The following LITAF variants were observed in gnomAD, a reference collection of about 807,000 sequenced individuals.
The protein encoded by LITAF is lipopolysaccharide induced TNF factor.
LITAF carries 9 observed loss-of-function variants against 14.5 expected under a neutral mutation model. That is an observed-to-expected ratio of 0.62 (90% CI 0.37 to 1.08). The LOEUF (loss-of-function observed/expected upper bound fraction) is 1.08, where lower values mean the gene tolerates loss of function less well. Among genes scored for constraint, LITAF ranks in the 50% least tolerant of loss-of-function variants. LITAF has a pLI of 0.01. For synonymous variants in LITAF, 98 were observed against 88.2 expected (o/e 1.11, Z -0.62); for missense variants, 206 against 213.4 (o/e 0.97, Z 0.22).
intron 1 of LITAF, among the ~76,000 whole-genome samples, chr16:11,565,956 C>T (rs74007797): frequency 0.029 from 4,451 of 151,960 alleles, 244 homozygotes; most frequent in African/African-American, 0.1. Flanking sequence ...TTCCTCCAGG[C>T]GCCCCATGCC....
chr16:11,568,627 G>A (rs1214660998), intron 1 of LITAF, among the ~76,000 whole-genome samples: 1 of 151,584 alleles, frequency 6.6e-6, no homozygotes, highest in Non-Finnish European at 1.5e-5. Flanking sequence ...TACCGTGTAA[G>A]TGCTCCACCT....
intron 3 of LITAF, among the ~76,000 whole-genome samples, chr16:11,606,401 G>A (rs992423632): frequency 5.3e-5 from 8 of 151,644 alleles, no homozygotes; most frequent in Non-Finnish European, 7.4e-5. Flanking sequence ...ACTCCTGATC[G>A]CAACTGATCC....
At chr16:11,584,390 A>G (rs541882221) in intron 1 of LITAF, 10 of 152,322 alleles carry the variant, frequency 6.6e-5, no homozygotes, top group African/African-American at 2.4e-4. Context: ...TCAAAGTGCT[A>G]TTATACACCT....
At chr16:11,603,407 A>G (rs1460414000), upstream of LITAF, among the ~76,000 whole-genome samples, 1 of 152,126 alleles carries the variant, frequency 6.6e-6, no homozygotes, top group African/African-American at 2.4e-5. Flanking sequence ...CTGCCTCCCG[A>G]GGGGTTTCAA....
In LITAF at chr16:11,627,530, TGACTAATGTATTA is replaced by T. The variant is rs1367949605; in HGVS notation, c.85+5990_85+6002del. On this transcript the variant is annotated intron_variant, in intron 3 of 3. Transcript: ENST00000574848. ...TTTTGCAGCATTCTGCTATTCATCC[TGACTAATGTATTA>T]GACTTAAAAAAATACAAGGCCTGGG... 4.6e-5 allele frequency among the ~76,000 whole-genome samples: 7 copies of T among 152,348 alleles called. No homozygotes were observed. In the East Asian group the frequency reaches 1.3e-3, roughly 29 times the overall value.
intron 3 of LITAF, chr16:11,551,931 T>C (rs1366098752): frequency 2.2e-6 from 1 of 447,826 alleles, no homozygotes; most frequent in Non-Finnish European, 4.0e-6. Context: ...TTTTTTTTTT[T>C]TTAAGCATTT....
At chr16:11,609,705 G>A (rs972014659) in intron 3 of LITAF, among the ~76,000 whole-genome samples, 10 of 152,136 alleles carry the variant, frequency 6.6e-5, no homozygotes, top group African/African-American at 9.7e-5. Context: ...CATCTGCTAC[G>A]GTTGAGAGAT....
upstream of LITAF, among the ~76,000 whole-genome samples, chr16:11,600,920 TAC>T (rs1360754674): frequency 6.6e-6 from 1 of 152,074 alleles, no homozygotes; most frequent in Non-Finnish European, 1.5e-5. This position sits in a 1 kb window ranked among gnomAD's most constrained non-coding sequence, Gnocchi z 4.1. Context: ...CAAACATGGA[TAC>T]AAGCTATAAT....
intron 1 of LITAF, among the ~76,000 whole-genome samples, chr16:11,580,561 A>T (rs536199936): frequency 3.3e-5 from 5 of 151,480 alleles, no homozygotes; most frequent in African/African-American, 1.2e-4. Context: ...TGGCTGGAAG[A>T]TCTTAACTTA....
At chr16:11,635,201 A>G (rs1021751273) in intron 2 of LITAF, among the ~76,000 whole-genome samples, 1 of 152,228 alleles carries the variant, frequency 6.6e-6, no homozygotes, top group Non-Finnish European at 1.5e-5. Flanking sequence ...AAAAGAATCT[A>G]TTAGGTGGTT....
At chr16:11,587,289 C>T (rs1221683492), upstream of LITAF, 1 of 432,668 alleles carries the variant, frequency 2.3e-6, no homozygotes, top group Non-Finnish European at 4.6e-6. Flanking sequence ...TCCCCACTTT[C>T]CCCCCTCCCC....
At chr16:11,565,086 C>CT (rs35652163) in intron 1 of LITAF, among the ~76,000 whole-genome samples, 41 of 137,904 alleles carry the variant, frequency 3.0e-4, no homozygotes, top group Admixed American at 5.9e-4. Context: ...ACTGAATTAT[C>CT]TTTTTTTTTT....
intron 3 of LITAF, among the ~76,000 whole-genome samples, chr16:11,620,480 A>G (rs1278215013): frequency 6.6e-6 from 1 of 152,110 alleles, no homozygotes; most frequent in Non-Finnish European, 1.5e-5. Flanking sequence ...TGCCAGCACC[A>G]TACTTCCTGT....
intron 3 of LITAF, among the ~76,000 whole-genome samples, chr16:11,551,453 C>A (rs995160436): frequency 1.3e-5 from 2 of 152,156 alleles, no homozygotes; most frequent in Non-Finnish European, 1.5e-5. Context: ...AGGATTTGAA[C>A]CCACTCTACC....
intron 3 of LITAF, among the ~76,000 whole-genome samples, chr16:11,617,897 G>A (rs186144325): frequency 8.8e-4 from 133 of 151,776 alleles, no homozygotes; most frequent in Non-Finnish European, 1.4e-3. Flanking sequence ...TTGAGACAGG[G>A]TCTCACTCTG....
At chr16:11,638,253 C>T (rs1020450749), upstream of LITAF, among the ~76,000 whole-genome samples, 20 of 151,442 alleles carry the variant, frequency 1.3e-4, no homozygotes, top group East Asian at 1.5e-3. Flanking sequence ...GTCCACTTCC[C>T]CATAGGTTTG....
intron 1 of LITAF, among the ~76,000 whole-genome samples, chr16:11,593,387 G>C (rs1467210058): frequency 6.9e-6 from 1 of 144,442 alleles, no homozygotes; most frequent in African/African-American, 2.5e-5. Flanking sequence ...AAAGTTAATG[G>C]AAAATAAATA....
chr16:11,579,671 T>A (rs2064703598), intron 1 of LITAF, among the ~76,000 whole-genome samples: 1 of 152,164 alleles, frequency 6.6e-6, no homozygotes, highest in Admixed American at 6.6e-5. Flanking sequence ...TTGACAAACA[T>A]ACTGTGTGAT....
In LITAF at chr16:11,549,119, AAAGCC is replaced by A. The variant is rs1334637926; in HGVS notation, c.*513_*517del. On this transcript the variant is annotated 3_prime_UTR_variant, in exon 4 of 4. Transcript: ENST00000622633. The surrounding 1 kb of genome is among the most constrained non-coding windows in gnomAD (Gnocchi z 4.6). ...ATGAAGTCTGCAGTTACAGAATCTC[AAAGCC>A]AAGCCTGTAAAGTCTGTAAGGCAAG... The A allele has an allele frequency of 7.5e-5, 34 of 454,150 alleles. 1 individual carries two copies. Among genetic ancestry groups the A allele is most frequent in the Non-Finnish European group, 4.4e-5 (10 of 226,804 alleles). The allele number at this position is 454,150 out of a possible 1,614,324, so 28.1% of individuals were successfully genotyped here.
Sources: gnomAD v4.1 joint callset for allele counts (sites outside exome capture counted in the v4.1 genomes callset) on GRCh38, gnomAD v4.1.1 for gene constraint, Gnocchi (gnomAD v3.1) non-coding constraint, MANE v1.5 for transcripts, NCBI Gene and HGNC (gene_info 2026-07-23, HGNC 2026-07-21) for gene names.